Variants in ITGB8 observed in about 807,000 individuals in gnomAD.
ITGB8 encodes integrin subunit beta 8.
Under a neutral mutation model 89.5 loss-of-function variants are expected in ITGB8, and 30 were observed. The observed-to-expected ratio is 0.34, with a 90% CI of 0.25 to 0.45. The LOEUF (loss-of-function observed/expected upper bound fraction) is 0.45. Ranked by LOEUF, ITGB8 falls within the 20% of genes least tolerant of loss-of-function variation. The pLI is 1.00. For synonymous variants in ITGB8, 335 were observed against 320.4 expected, an observed-to-expected ratio of 1.05 and a Z score of -0.49; for missense variants, 836 against 933.3, an observed-to-expected ratio of 0.90 and a Z score of 1.36.
At chr7:20,390,412 T>C (rs1038699040) in intron 6 of ITGB8, among the ~76,000 whole-genome samples, 2 of 152,104 alleles carry the variant, frequency 1.3e-5, no homozygotes, top group Non-Finnish European at 2.9e-5. Flanking sequence ...TTACCAATAA[T>C]ATACCTAACT....
intron 3 of ITGB8, among the ~76,000 whole-genome samples, chr7:20,371,361 T>G (rs935852996): frequency 3.6e-4 from 55 of 152,110 alleles, no homozygotes; most frequent in African/African-American, 1.3e-3. Context: ...GCAAATCAAA[T>G]GAAACTAACT....
rs1786419158 is a variant in ITGB8 at position 20,382,002 on chromosome 7, A to G, written c.960+117A>G. Reference sequence around the variant, plus strand: ...TACCTACAAAAGAAAGATACAGAACAAGGATAAGCCATGAGAGAGAATTTA... The same window carrying G: ...TACCTACAAAAGAAAGATACAGAACGAGGATAAGCCATGAGAGAGAATTTA... On this transcript the variant is annotated intron_variant, in intron 6 of 13. Transcript: ENST00000222573. 4.9e-6 allele frequency: 4 copies of G among 821,452 alleles called. No homozygotes were observed. The South Asian group carries it at 7.1e-5, about 15-fold the overall frequency. 50.9% of individuals were successfully genotyped at this position (821,452 alleles called of 1,614,324 possible).
In ITGB8 at chr7:20,331,875, C is replaced by T. The variant is rs772338431; in HGVS notation, c.69C>T (p.Pro23=). 3.1e-6 allele frequency: 5 copies of T among 1,614,096 alleles called. No individual in the cohort carries two copies. In the East Asian group the frequency reaches 8.9e-5, roughly 29 times the overall value. Residue 23 remains proline (P), a synonymous_variant, in exon 1 of 14, where the codon CCC becomes CCT. Coordinates refer to ENST00000222573, the MANE Select transcript of ITGB8 (RefSeq NM_002214.3). ...FVCLQNDRRG[P]ASFLWAAWVF... Reference sequence around the variant, plus strand: ...GCCTGCAAAACGACCGGCGAGGTCCCGCCTCGTTCCTCTGGGCAGCCTGGG... The same window carrying T: ...GCCTGCAAAACGACCGGCGAGGTCCTGCCTCGTTCCTCTGGGCAGCCTGGG...
rs147697982 is a variant in ITGB8, at chr7:20,347,808, G to T, written c.128-15829G>T. Reference sequence around the variant, plus strand: ...TCAAGGAAGTGAGGCTTGGAATCTTGTTAGTTCATAGTCATCAAGCTGTAG... The same window carrying T: ...TCAAGGAAGTGAGGCTTGGAATCTTTTTAGTTCATAGTCATCAAGCTGTAG... On this transcript the variant is annotated intron_variant, in intron 1 of 13. Transcript: ENST00000222573. Among the ~76,000 whole-genome samples the T allele has an allele frequency of 9.2e-5, 14 of 152,282 alleles. No individual in the cohort carries two copies. The East Asian group carries it at 2.7e-3, about 29-fold the overall frequency.
At chr7:20,348,977 A>G (rs1299648616) in intron 1 of ITGB8, among the ~76,000 whole-genome samples, 1 of 152,238 alleles carries the variant, frequency 6.6e-6, no homozygotes, top group Non-Finnish European at 1.5e-5. Context: ...TATGGACTAT[A>G]GTTCATAACA....
chr7:20,335,976 C>T (rs143965178), intron 1 of ITGB8, among the ~76,000 whole-genome samples: 2 of 146,626 alleles, frequency 1.4e-5, no homozygotes, highest in Admixed American at 6.8e-5. Context: ...CTCCTAAGGA[C>T]TTCTCTGATC....
rs1583515039 is a variant in ITGB8 at position 20,381,772 on chromosome 7, A to T, written c.847A>T (p.Met283Leu). 1 of 1,613,654 alleles carries T rather than the reference A, an allele frequency of 6.2e-7. No individual in the cohort carries two copies. The highest frequency in any genetic ancestry group is 1.7e-5 in the Admixed American group (1 of 59,952). Residue 283 changes from methionine (M) to leucine (L), a missense_variant, in exon 6 of 14, where the codon ATG (methionine) becomes TTG (leucine). This residue lies in a region of ITGB8 where 192 missense variants were observed against 267.1 expected (regional missense o/e 0.72). Coordinates refer to ENST00000222573, the MANE Select transcript of ITGB8 (RefSeq NM_002214.3). ...AGAGGCTAAAAGATTGCTGCTGGTG[A>T]TGACAGATCAGACGTCTCATCTCGC... ...RKEAKRLLLV[M>L]TDQTSHLALD... is the part of the protein sequence containing the mutation.
intron 1 of ITGB8, among the ~76,000 whole-genome samples, chr7:20,343,798 G>C (rs911681084): frequency 1.3e-5 from 2 of 152,182 alleles, no homozygotes; most frequent in African/African-American, 4.8e-5. Flanking sequence ...TGGTCACCTA[G>C]AGTGCCTATG....
chr7:20,340,057 T>TTA (rs1256759815), intron 1 of ITGB8, among the ~76,000 whole-genome samples: 1 of 152,200 alleles, frequency 6.6e-6, no homozygotes, highest in Non-Finnish European at 1.5e-5. Flanking sequence ...AAAGTTTGTT[T>TTA]TATAAACAGC....
intron 2 of ITGB8, chr7:20,366,211 C>A (rs1026871979): frequency 2.0e-5 from 3 of 152,206 alleles, no homozygotes; most frequent in African/African-American, 7.2e-5. Flanking sequence ...TTCCCTTCCT[C>A]TCCTACCTGT....
chr7:20,344,351 T>C (rs1303988598), intron 1 of ITGB8, among the ~76,000 whole-genome samples: 1 of 152,176 alleles, frequency 6.6e-6, no homozygotes, highest in East Asian at 1.9e-4. Context: ...GTTCCAGCTA[T>C]TTAGATTTTC....
Position 20,406,103 on chromosome 7 carries a change from C to T in ITGB8, c.1955C>T (p.Ala652Val), listed in dbSNP as rs1335338443. ...QCLHPHNLSQAILDQCKTSCA... is the reference protein window; with the variant it reads ...QCLHPHNLSQVILDQCKTSCA... ...CTTCACCCTCACAATTTGTCTCAGG[C>T]TATACTTGATCAGTGCAAAACCTCA... Residue 652 changes from alanine to valine, a missense_variant, in exon 12 of 14, where the codon GCT becomes GTT. Physicochemically the swap from Ala to Val is moderately conservative, Grantham distance 64 (BLOSUM62 0). Around this residue, in one of 5 missense-constraint regions of ITGB8, gnomAD observed 422 missense variants for 416.9 expected, o/e 1.01. Coordinates refer to ENST00000222573, the MANE Select transcript of ITGB8 (RefSeq NM_002214.3). 6.2e-7 allele frequency: 1 copy of T among 1,613,146 alleles called. No homozygotes were observed. The highest frequency in any genetic ancestry group is 8.5e-7 in the Non-Finnish European group (1 of 1,179,270).
intron 10 of ITGB8, among the ~76,000 whole-genome samples, chr7:20,404,039 G>A (rs1365660912): frequency 6.6e-6 from 1 of 152,174 alleles, no homozygotes; most frequent in African/African-American, 2.4e-5. Context: ...ACTGCTCACA[G>A]TATAGAGGAG....
At chr7:20,334,590 C>G (rs768915813) in intron 1 of ITGB8, among the ~76,000 whole-genome samples, 1 of 152,118 alleles carries the variant, frequency 6.6e-6, no homozygotes, top group Non-Finnish European at 1.5e-5. Flanking sequence ...ATCATTACTT[C>G]CCCTCAAAGC....
chr7:20,344,765 T>A (rs1480668332), intron 1 of ITGB8, among the ~76,000 whole-genome samples: 1 of 152,172 alleles, frequency 6.6e-6, no homozygotes, highest in Non-Finnish European at 1.5e-5. Flanking sequence ...TACCTGAATG[T>A]CACAGAAGTA....
At chr7:20,339,953 G>C (rs113745861) in intron 1 of ITGB8, among the ~76,000 whole-genome samples, 3 of 152,074 alleles carry the variant, frequency 2.0e-5, no homozygotes, top group South Asian at 4.1e-4. Flanking sequence ...GCCTGAACCC[G>C]GGAGGCGGAG....
rs1360196247 is a variant in ITGB8 at position 20,410,628 on chromosome 7, T to G, written c.*631T>G. The G allele has an allele frequency of 6.6e-6, 1 of 152,586 alleles. No individual in the cohort carries two copies. The highest frequency in any genetic ancestry group is 1.5e-5 in the Non-Finnish European group (1 of 68,068). 9.5% of individuals were successfully genotyped at this position (152,586 alleles called of 1,614,324 possible). ...TTATTTTTGCAAGATGGATACTAAT[T>G]CCAGCATTCTCTCCTCTTTGCCTTT... On this transcript the variant is annotated 3_prime_UTR_variant, in exon 14 of 14. Transcript: ENST00000222573.
chr7:20,399,730 T>G (rs10257873), intron 9 of ITGB8, among the ~76,000 whole-genome samples: 130,869 of 152,092 alleles, frequency 0.86, 56,616 homozygotes, highest in African/African-American at 0.93. Flanking sequence ...GTGATTTTGA[T>G]TGAGTCATTT....
At chr7:20,353,955 A>T (rs975023377) in intron 1 of ITGB8, among the ~76,000 whole-genome samples, 2 of 150,738 alleles carry the variant, frequency 1.3e-5, no homozygotes, top group Non-Finnish European at 3.0e-5. Flanking sequence ...AAAAAAAAAA[A>T]AGAAAACGGT....
Sources: allele counts gnomAD v4.1 joint callset (sites outside exome capture counted in the v4.1 genomes callset), GRCh38; gene constraint gnomAD v4.1.1; regional missense constraint gnomAD v4.1.1; transcripts MANE v1.5; gene names NCBI Gene and HGNC (gene_info 2026-07-23, HGNC 2026-07-21).